COL11A1: variants seen among roughly 807,000 people sequenced by gnomAD.
COL11A1 encodes the protein collagen alpha-1(XI) chain.
A neutral mutation model predicts 265.2 loss-of-function variants in COL11A1; 74 were observed. The ratio of observed to expected loss-of-function variants is 0.28; its 90% CI spans 0.23 to 0.34. The LOEUF (loss-of-function observed/expected upper bound fraction) is 0.34. Among genes scored for constraint, COL11A1 ranks in the 10% least tolerant of loss-of-function variants. The pLI is 1.00. For synonymous variants in COL11A1, 816 were observed against 727.6 expected, an observed-to-expected ratio of 1.12 and a Z score of -1.96; for missense variants, 2,165 against 2,263.6, an observed-to-expected ratio of 0.96 and a Z score of 0.88.
intron 4 of COL11A1, among the ~76,000 whole-genome samples, chr1:103,042,021 T>C (rs920373344): frequency 6.6e-6 from 1 of 152,070 alleles, no homozygotes; most frequent in Admixed American, 6.6e-5. Flanking sequence ...GGCTAAGATA[T>C]ATTATAAATA....
intron 9 of COL11A1, 114 bp from the exon 10 acceptor site, chr1:103,018,973 C>G: frequency 2.6e-6 from 2 of 782,640 alleles, no homozygotes; most frequent in Non-Finnish European, 4.2e-6. Flanking sequence ...ATTATCTATT[C>G]ATACCACTTA....
chr1:102,937,111 T>C (rs1658227777), intron 44 of COL11A1, among the ~76,000 whole-genome samples: 2 of 152,142 alleles, frequency 1.3e-5, no homozygotes, highest in African/African-American at 4.8e-5. Context: ...TTTGGGCTTA[T>C]TATTCTTAAT....
chr1:102,882,210 G>A (rs569263463), intron 64 of COL11A1, among the ~76,000 whole-genome samples: 4 of 152,140 alleles, frequency 2.6e-5, no homozygotes, highest in Non-Finnish European at 5.9e-5. Context: ...CTGTGTGAAA[G>A]GCACTGATTG....
intron 4 of COL11A1, among the ~76,000 whole-genome samples, chr1:103,033,995 C>A (rs1253948628): frequency 6.6e-6 from 1 of 152,012 alleles, no homozygotes; most frequent in Non-Finnish European, 1.5e-5. Context: ...AAGTCTTTCC[C>A]CCTACCCCCC....
At chr1:102,893,719 A>G (rs1380929361) in intron 57 of COL11A1, among the ~76,000 whole-genome samples, 1 of 152,118 alleles carries the variant, frequency 6.6e-6, no homozygotes, top group Non-Finnish European at 1.5e-5. Context: ...TCAAAACTCT[A>G]GTTCATTGAA....
chr1:102,933,860 A>C (rs1307489485), intron 46 of COL11A1, among the ~76,000 whole-genome samples: 5 of 152,114 alleles, frequency 3.3e-5, no homozygotes, highest in Admixed American at 1.3e-4. Flanking sequence ...TTTCCAGGTG[A>C]GTCCGTCACC....
chr1:102,985,582 C>G (rs913443998), intron 30 of COL11A1, among the ~76,000 whole-genome samples: 1 of 152,088 alleles, frequency 6.6e-6, no homozygotes, highest in Non-Finnish European at 1.5e-5. Flanking sequence ...TATGTATATA[C>G]TCTAATTCAT....
intron 65 of COL11A1, 139 bp from the exon 66 acceptor site, chr1:102,880,055 A>G (rs1475868236): frequency 9.2e-6 from 6 of 648,918 alleles, no homozygotes; most frequent in Non-Finnish European, 1.6e-5. Flanking sequence ...CCTAATGAAA[A>G]AAAGTGTACA....
chr1:102,987,545 A>G, intron 30 of COL11A1, 88 bp downstream of exon 30: 1 of 1,002,932 alleles, frequency 1.0e-6, no homozygotes, highest in South Asian at 1.3e-5. Context: ...TAAGAACTCA[A>G]TTTCTGACAC....
intron 37 of COL11A1, among the ~76,000 whole-genome samples, chr1:102,968,778 A>T (rs1418447105): frequency 6.6e-6 from 1 of 152,192 alleles, no homozygotes; most frequent in East Asian, 1.9e-4. Context: ...AAACAGAAAC[A>T]TTCATTCTAG....
intron 31 of COL11A1, among the ~76,000 whole-genome samples, chr1:102,980,252 A>C (rs1662913576): frequency 6.6e-6 from 1 of 152,110 alleles, no homozygotes. Flanking sequence ...TAATTATTTT[A>C]AAATGAAATG....
intron 41 of COL11A1, among the ~76,000 whole-genome samples, chr1:102,955,008 C>A (rs1253974288): frequency 6.6e-6 from 1 of 152,090 alleles, no homozygotes; most frequent in Non-Finnish European, 1.5e-5. Flanking sequence ...AAAGTCAAAT[C>A]AAATACCTCA....
chr1:102,887,141 A>G, intron 62 of COL11A1, 85 bp from the exon 63 acceptor site: 7 of 1,565,800 alleles, frequency 4.5e-6, no homozygotes, highest in Non-Finnish European at 5.2e-6. Flanking sequence ...TGTTTTTGTT[A>G]TAAGAAATTA....
chr1:103,014,996 G>A (rs1666444590), intron 12 of COL11A1, among the ~76,000 whole-genome samples: 1 of 151,550 alleles, frequency 6.6e-6, no homozygotes, highest in Non-Finnish European at 1.5e-5. Flanking sequence ...CAAAATTTTT[G>A]GAATATCCAT....
chr1:103,102,703 T>C (rs1337192), intron 1 of COL11A1, among the ~76,000 whole-genome samples: 20,003 of 152,008 alleles, frequency 0.13, 2,850 homozygotes, highest in African/African-American at 0.36. Context: ...TTGTATACAA[T>C]GATGGAGATA....
chr1:103,023,482 C>T (rs779984217), intron 7 of COL11A1, among the ~76,000 whole-genome samples: 4 of 151,596 alleles, frequency 2.6e-5, no homozygotes, highest in Non-Finnish European at 4.4e-5. Flanking sequence ...CTCAGCCTCC[C>T]GAGTAGCTAG....
Position 102,983,703 on chromosome 1 carries a change from T to C in COL11A1, c.2556+435A>G, listed in dbSNP as rs1445316494. ...TTTAAGTTAATACGTTTGTGGAGAT[T>C]TGTCATAGCAACCCTGGAAAAAAAA... is the stretch of plus-strand genomic sequence containing the variant. On this transcript the variant is annotated intron_variant, in intron 31 of 66. Coordinates refer to ENST00000370096, the MANE Select transcript of COL11A1 (RefSeq NM_001854.4). Among the ~76,000 whole-genome samples, 25 of 152,004 alleles carry C rather than the reference T, an allele frequency of 1.6e-4. No homozygotes were observed. In the Admixed American group the frequency reaches 1.6e-3, roughly 10 times the overall value.
rs1557789724 is a variant in COL11A1 at position 102,898,665 on chromosome 1, C to A, written c.4248+1G>T. ...GGCATCTTTTTAACACAGATGCTCA[C>A]CACAGGACCAGGGATGCCCCGAAGA... is the stretch of plus-strand genomic sequence containing the variant. On this transcript the variant is annotated splice_donor_variant, in intron 56 of 66. Coordinates refer to ENST00000370096, the MANE Select transcript of COL11A1 (RefSeq NM_001854.4). LOFTEE classifies it high-confidence loss of function. 1 of 1,611,098 alleles carries A rather than the reference C, an allele frequency of 6.2e-7. No individual in the cohort carries two copies. The highest frequency in any genetic ancestry group is 8.5e-7 in the Non-Finnish European group (1 of 1,178,102).
In COL11A1 at chr1:103,031,233, C is replaced by A. The variant is rs1231807986; in HGVS notation, c.663G>T (p.Gln221His). 2 of 1,569,530 alleles carry A rather than the reference C, an allele frequency of 1.3e-6. No homozygotes were observed. The highest frequency in any genetic ancestry group is 4.6e-5 in the East Asian group (2 of 43,210). Residue 221 changes from glutamine to histidine, a missense_variant, in exon 5 of 67, where the codon CAG (glutamine) becomes CAT (histidine). Physicochemically the swap from Gln to His is conservative, Grantham distance 24. Coordinates refer to ENST00000370096, the MANE Select transcript of COL11A1 (RefSeq NM_001854.4). ...LDEEVFEGDI[Q>H]QFLITGDPKA... ...TGGGATCACCTGTGATCAAAAACTGCTGAATGTCCCCCTGGGAAAAAAAAA... is the reference window on the plus strand; with the variant it reads ...TGGGATCACCTGTGATCAAAAACTGATGAATGTCCCCCTGGGAAAAAAAAA...
Sources: allele counts gnomAD v4.1 joint callset (sites outside exome capture counted in the v4.1 genomes callset), GRCh38; gene constraint gnomAD v4.1.1; transcripts MANE v1.5; gene names NCBI Gene and HGNC (gene_info 2026-07-23, HGNC 2026-07-21).